The following SLC7A2 variants were observed in gnomAD, a reference collection of about 807,000 sequenced individuals.
SLC7A2 encodes the protein solute carrier family 7 member 2.
A neutral mutation model predicts 58.9 loss-of-function variants in SLC7A2; 48 were observed. That is an observed-to-expected ratio of 0.82 (90% CI 0.65 to 1.04). The LOEUF is 1.04. SLC7A2 is among the 50% of genes least tolerant of loss of function. The pLI is 0.00. For synonymous variants in SLC7A2, 363 were observed against 314.5 expected, an observed-to-expected ratio of 1.15 and a Z score of -1.63; for missense variants, 1,029 against 818.8, an observed-to-expected ratio of 1.26 and a Z score of -3.13.
Position 17,543,713 on chromosome 8 carries a change from T to G in SLC7A2, c.374T>G (p.Ile125Arg). The change falls in exon 3 of 13, where the codon ATA becomes AGA. Residue 125 changes from isoleucine (I) to arginine (R), a missense_variant and splice_region_variant. Physicochemically the swap from Ile to Arg is moderately conservative, Grantham distance 97 (BLOSUM62 -3). Coordinates refer to ENST00000494857, the MANE Select transcript of SLC7A2 (RefSeq NM_001370338.1). ...TGWNLILSYVIGTSSVARAWS... is the reference protein window; with the variant it reads ...TGWNLILSYVRGTSSVARAWS... Reference sequence around the variant, plus strand: ...TGGAATCTCATTTTATCGTATGTGATAGGTATGTTTCAAAAAGAAATCTAA... The same window carrying G: ...TGGAATCTCATTTTATCGTATGTGAGAGGTATGTTTCAAAAAGAAATCTAA... The G allele has an allele frequency of 6.6e-7, 1 of 1,515,266 alleles. No individual in the cohort carries two copies. Among genetic ancestry groups the G allele is most frequent in the Non-Finnish European group, 8.8e-7 (1 of 1,132,806 alleles). The allele number at this position is 1,515,266 out of a possible 1,614,324, so 93.9% of individuals were successfully genotyped here.
At chr8:17,564,845 G>A in intron 12 of SLC7A2, 105 bp from the exon 13 acceptor site, 3 of 986,840 alleles carry the variant, frequency 3.0e-6, no homozygotes, top group East Asian at 5.2e-5. Context: ...CTACAGAAAG[G>A]AAAGAGACAA....
chr8:17,536,287 G>A (rs78475718), intron 2 of SLC7A2, among the ~76,000 whole-genome samples: 1,642 of 152,086 alleles, frequency 0.011, 18 homozygotes, highest in African/African-American at 0.037. Flanking sequence ...TATTCTGGCC[G>A]GGTGCAGTGG....
At position 17,566,333 on chromosome 8, in the gene SLC7A2, C is replaced by T. The variant is rs990180806; in HGVS notation, c.*1187C>T. The T allele has an allele frequency of 1.3e-5, 2 of 152,106 alleles. No individual in the cohort carries two copies. Among genetic ancestry groups the T allele is most frequent in the East Asian group, 3.9e-4 (2 of 5,180 alleles). 9.4% of individuals were successfully genotyped at this position (152,106 alleles called of 1,614,324 possible). A position where few individuals can be genotyped will look rare whatever the true frequency, so the allele number is the denominator to read the frequency against. On this transcript the variant is annotated 3_prime_UTR_variant, in exon 13 of 13. Coordinates refer to ENST00000494857, the MANE Select transcript of SLC7A2 (RefSeq NM_001370338.1). ...TGAAGGGATAGAAGAAGAGAAAATCCCCCTGTTCTGATAGGAACGGCCTGT... is the reference window on the plus strand; with the variant it reads ...TGAAGGGATAGAAGAAGAGAAAATCTCCCTGTTCTGATAGGAACGGCCTGT...
At chr8:17,526,361 A>G (rs951954927) in intron 2 of SLC7A2, among the ~76,000 whole-genome samples, 24 of 152,212 alleles carry the variant, frequency 1.6e-4, no homozygotes, top group African/African-American at 5.5e-4. Context: ...GTGGCAGCAG[A>G]TGACAGGGAA....
intron 2 of SLC7A2, among the ~76,000 whole-genome samples, chr8:17,542,671 C>G (rs1022171213): frequency 2.2e-5 from 3 of 135,828 alleles, no homozygotes; most frequent in Non-Finnish European, 3.5e-5. Context: ...GAAAAAGAAC[C>G]TGAGTTAAAT....
intron 1 of SLC7A2, among the ~76,000 whole-genome samples, chr8:17,501,952 G>T (rs1319347304): frequency 6.6e-6 from 1 of 151,380 alleles, no homozygotes; most frequent in Admixed American, 6.6e-5. Flanking sequence ...ACACAACAAA[G>T]AATTTGTATG....
chr8:17,563,110 T>C (rs1803098992), intron 11 of SLC7A2, among the ~76,000 whole-genome samples: 1 of 152,134 alleles, frequency 6.6e-6, no homozygotes, highest in African/African-American at 2.4e-5. Flanking sequence ...ATCACTGCAC[T>C]CTAGCTTGGG....
At position 17,542,774 on chromosome 8, in the gene SLC7A2, A is replaced by G. The variant is rs76931302; in HGVS notation, c.-22-544A>G. 6.0e-3 allele frequency among the ~76,000 whole-genome samples: 913 copies of G among 152,252 alleles called. 15 individuals are homozygous for G. Among genetic ancestry groups the G allele is most frequent in the African/African-American group, 0.02 (846 of 41,542 alleles). The stretch of plus-strand genomic sequence containing the variant: ...AATGAAATTAGCCATCTCTTGAAAT[A>G]TATTTCTATCAACATATCCTTAGGA... On this transcript the variant is annotated intron_variant, in intron 2 of 12. Coordinates refer to ENST00000494857, the MANE Select transcript of SLC7A2 (RefSeq NM_001370338.1).
chr8:17,531,764 C>A (rs1801460152), intron 2 of SLC7A2, among the ~76,000 whole-genome samples: 1 of 151,262 alleles, frequency 6.6e-6, no homozygotes, highest in Non-Finnish European at 1.5e-5. Context: ...ACTATAGTTG[C>A]CATTAAATTT....
At chr8:17,517,110 C>T (rs959371219) in intron 2 of SLC7A2, among the ~76,000 whole-genome samples, 6 of 152,290 alleles carry the variant, frequency 3.9e-5, no homozygotes, top group Admixed American at 3.3e-4. Context: ...TCTGCTCACT[C>T]CCCCTTTGCA....
chr8:17,500,799 TACAC>T (rs60002166), intron 1 of SLC7A2, among the ~76,000 whole-genome samples: 10,453 of 145,962 alleles, frequency 0.072, 608 homozygotes, highest in African/African-American at 0.15. Context: ...AACACACACA[TACAC>T]ACACACACAC....
Position 17,566,985 on chromosome 8 carries a change from T to C in SLC7A2, c.*1839T>C, listed in dbSNP as rs1585282080. On this transcript the variant is annotated 3_prime_UTR_variant, in exon 13 of 13. Transcript: ENST00000494857. ...ATGGTTTTGTATAGCCAGGAGTTTATTGTGATTAAACATCAAAGAAACAGG... is the reference window on the plus strand; with the variant it reads ...ATGGTTTTGTATAGCCAGGAGTTTACTGTGATTAAACATCAAAGAAACAGG... 1.3e-5 allele frequency: 2 copies of C among 152,626 alleles called. No individual in the cohort carries two copies. Among genetic ancestry groups the C allele is most frequent in the Admixed American group, 6.5e-5 (1 of 15,276 alleles). 9.5% of individuals were successfully genotyped at this position (152,626 alleles called of 1,614,324 possible). A position where few individuals can be genotyped will look rare whatever the true frequency, so the allele number is the denominator to read the frequency against.
At chr8:17,495,233 G>T (rs1799928876), upstream of SLC7A2, among the ~76,000 whole-genome samples, 1 of 152,088 alleles carries the variant, frequency 6.6e-6, no homozygotes, top group African/African-American at 2.4e-5. Flanking sequence ...GAGCCACCGC[G>T]ACTCCCAGGA....
chr8:17,556,633 G>A lies in SLC7A2; in HGVS notation c.1196-1662G>A, dbSNP rs185379954. 4.0e-4 allele frequency among the ~76,000 whole-genome samples: 60 copies of A among 151,024 alleles called. 1 individual carries two copies. In the East Asian group the frequency reaches 8.6e-3, roughly 22 times the overall value. ...ATGAAGAATTTTTTTTTTTGAGATA[G>A]GGTGTCACTCTGTCACCCAGGCTGG... On this transcript the variant is annotated intron_variant, in intron 8 of 12. Coordinates refer to ENST00000494857, the MANE Select transcript of SLC7A2 (RefSeq NM_001370338.1).
Position 17,569,897 on chromosome 8 carries a change from A to C in SLC7A2, c.*4751A>C, listed in dbSNP as rs1394571566. On this transcript the variant is annotated 3_prime_UTR_variant, in exon 13 of 13. Transcript: ENST00000494857. ...GGTTCCAGGATCAGGCAGCCTATAGAGTGTGAGCATCTATGTGTAGCTACC... is the reference window on the plus strand; with the variant it reads ...GGTTCCAGGATCAGGCAGCCTATAGCGTGTGAGCATCTATGTGTAGCTACC... The C allele has an allele frequency of 6.6e-6, 1 of 152,110 alleles. No individual in the cohort carries two copies. The highest frequency in any genetic ancestry group is 1.5e-5 in the Non-Finnish European group (1 of 68,046). The allele number at this position is 152,110 out of a possible 1,614,324, so 9.4% of individuals were successfully genotyped here. A position where few individuals can be genotyped will look rare whatever the true frequency, so the allele number is the denominator to read the frequency against.
intron 2 of SLC7A2, among the ~76,000 whole-genome samples, chr8:17,536,912 G>A (rs1377386700): frequency 2.0e-5 from 3 of 152,140 alleles, no homozygotes; most frequent in Non-Finnish European, 2.9e-5. Flanking sequence ...CCATGTCGGG[G>A]AATCTTGCAC....
intron 2 of SLC7A2, among the ~76,000 whole-genome samples, chr8:17,536,122 A>G (rs2150723279): frequency 6.6e-6 from 1 of 152,062 alleles, no homozygotes; most frequent in East Asian, 1.9e-4. Context: ...AAAAAAAAAA[A>G]AAGTTTTAAA....
At chr8:17,528,814 C>G (rs941247746) in intron 2 of SLC7A2, among the ~76,000 whole-genome samples, 1 of 152,064 alleles carries the variant, frequency 6.6e-6, no homozygotes, top group Non-Finnish European at 1.5e-5. Flanking sequence ...GTTCTTAGGG[C>G]AGAGTTAGAC....
intron 1 of SLC7A2, among the ~76,000 whole-genome samples, chr8:17,501,054 C>G (rs1800140270): frequency 6.6e-6 from 1 of 151,918 alleles, no homozygotes; most frequent in African/African-American, 2.4e-5. Context: ...CGTTCTGACG[C>G]CCAGGCTAGA....
Sources: gnomAD v4.1 joint callset for allele counts (sites outside exome capture counted in the v4.1 genomes callset) on GRCh38, gnomAD v4.1.1 for gene constraint, MANE v1.5 for transcripts, NCBI Gene and HGNC (gene_info 2026-07-23, HGNC 2026-07-21) for gene names.